Variants in DZANK1 observed in about 807,000 individuals in gnomAD.
DZANK1 encodes the protein double zinc ribbon and ankyrin repeat-containing protein 1.
A neutral mutation model predicts 94.5 loss-of-function variants in DZANK1; 91 were observed. The ratio of observed to expected loss-of-function variants is 0.96; its 90% CI spans 0.81 to 1.15. The LOEUF is 1.15. DZANK1 is among the 50% of genes most tolerant of loss of function. The pLI is 0.00. For synonymous variants in DZANK1, 312 were observed against 325.3 expected (o/e 0.96, Z 0.44); for missense variants, 903 against 916.4 (o/e 0.99, Z 0.19).
intron 9 of DZANK1, among the ~76,000 whole-genome samples, chr20:18,429,316 C>CA (rs1349555519): frequency 1.3e-5 from 2 of 152,238 alleles, no homozygotes; most frequent in Non-Finnish European, 2.9e-5. Context: ...CCTCACCTTG[C>CA]AGGGCTCATA....
chr20:18,414,574 T>C, intron 11 of DZANK1, 62 bp from the exon 12 acceptor site: 3 of 1,518,850 alleles, frequency 2.0e-6, no homozygotes, highest in Non-Finnish European at 2.7e-6. Context: ...TAAATTATTC[T>C]CATACCATAC....
At chr20:18,401,410 C>T (rs2056670929) in intron 13 of DZANK1, among the ~76,000 whole-genome samples, 1 of 152,154 alleles carries the variant, frequency 6.6e-6, no homozygotes, top group Admixed American at 6.5e-5. Context: ...TTCTATTATC[C>T]ACTGCTACCA....
intron 9 of DZANK1, among the ~76,000 whole-genome samples, chr20:18,427,515 CACAA>C (rs754958345): frequency 2.4e-4 from 36 of 151,964 alleles, no homozygotes; most frequent in African/African-American, 5.8e-4. Context: ...GAAACAAAAC[CACAA>C]ACAAACAAAC....
chr20:18,460,767 C>T (rs1005180819), intron 2 of DZANK1, among the ~76,000 whole-genome samples: 1 of 151,928 alleles, frequency 6.6e-6, no homozygotes, highest in Non-Finnish European at 1.5e-5. Flanking sequence ...TTGTGTTAAT[C>T]TCCTTAAATA....
chr20:18,426,088 T>C (rs1409152962), intron 10 of DZANK1, among the ~76,000 whole-genome samples: 1 of 152,180 alleles, frequency 6.6e-6, no homozygotes, highest in Non-Finnish European at 1.5e-5. Flanking sequence ...GGCCATGGAC[T>C]GTACTTATCT....
chr20:18,465,099 C>T, intron 2 of DZANK1, 151 bp downstream of exon 2: 1 of 554,038 alleles, frequency 1.8e-6, no homozygotes, highest in Non-Finnish European at 3.2e-6. Context: ...CATCAATGTA[C>T]AGCACTGTTT....
rs780423582 is a variant in DZANK1, at chr20:18,432,585, T to C, written c.861+1067A>G. 15 of 152,338 alleles carry C rather than the reference T, an allele frequency of 9.8e-5. No individual in the cohort carries two copies. The East Asian group carries it at 1.5e-3, about 16-fold the overall frequency. 9.4% of individuals were successfully genotyped at this position (152,338 alleles called of 1,614,324 possible). On this transcript the variant is annotated intron_variant, in intron 9 of 20. Transcript: ENST00000262547. ...GTGAACTCTTCATGCTAAAGGGAGC[T>C]TGAAGGTGAAAGAAAAAGTGGATTT...
At chr20:18,465,200 G>T in intron 2 of DZANK1, 50 bp downstream of exon 2, 2 of 1,244,384 alleles carry the variant, frequency 1.6e-6, no homozygotes, top group Non-Finnish European at 1.1e-6. Context: ...GATAACACAA[G>T]AAATATGACA....
chr20:18,425,756 G>C (rs2148547753), intron 10 of DZANK1, among the ~76,000 whole-genome samples: 1 of 152,262 alleles, frequency 6.6e-6, no homozygotes, highest in South Asian at 2.1e-4. Flanking sequence ...TATGAAAAAG[G>C]GAAATCTGGA....
chr20:18,461,519 G>A (rs1222473455), intron 2 of DZANK1, among the ~76,000 whole-genome samples: 1 of 150,756 alleles, frequency 6.6e-6, no homozygotes, highest in Non-Finnish European at 1.5e-5. Context: ...ATTTTGTAAA[G>A]AATTATTTCT....
intron 12 of DZANK1, among the ~76,000 whole-genome samples, chr20:18,414,011 CT>C (rs1263266485): frequency 2.0e-5 from 3 of 152,118 alleles, no homozygotes; most frequent in Non-Finnish European, 4.4e-5. Context: ...CTATGCCCAG[CT>C]GTTATAAATT....
intron 19 of DZANK1, among the ~76,000 whole-genome samples, chr20:18,387,858 A>T (rs2048601682): frequency 6.6e-6 from 1 of 152,240 alleles, no homozygotes; most frequent in Admixed American, 6.5e-5. Context: ...CTAGCCAAAC[A>T]TGCTCAGATG....
intron 9 of DZANK1, chr20:18,433,037 A>C (rs1041888744): frequency 1.3e-5 from 2 of 152,346 alleles, no homozygotes; most frequent in Admixed American, 6.5e-5. Flanking sequence ...ATTATAAATC[A>C]ACACTAACTG....
chr20:18,427,753 T>C (rs1047973754), intron 9 of DZANK1, among the ~76,000 whole-genome samples: 2 of 152,124 alleles, frequency 1.3e-5, no homozygotes, highest in Non-Finnish European at 2.9e-5. Context: ...AGTAATCTGG[T>C]TCTTGGACTT....
At chr20:18,457,520 A>G (rs1283689072) in intron 3 of DZANK1, among the ~76,000 whole-genome samples, 1 of 152,180 alleles carries the variant, frequency 6.6e-6, no homozygotes, top group East Asian at 1.9e-4. Flanking sequence ...AGGCTTAAAC[A>G]AGACAGAAGT....
chr20:18,386,694 A>G (rs2148123260), intron 19 of DZANK1, among the ~76,000 whole-genome samples: 1 of 152,330 alleles, frequency 6.6e-6, no homozygotes, highest in South Asian at 2.1e-4. Flanking sequence ...TGTCCAACTA[A>G]CAGTTCTAGA....
chr20:18,456,793 T>C (rs1455453357), intron 3 of DZANK1, among the ~76,000 whole-genome samples: 1 of 152,264 alleles, frequency 6.6e-6, no homozygotes, highest in Non-Finnish European at 1.5e-5. Context: ...TACCACAATT[T>C]TTATGTCCAT....
At chr20:18,438,449 C>T (rs2058615201) in intron 8 of DZANK1, among the ~76,000 whole-genome samples, 1 of 151,956 alleles carries the variant, frequency 6.6e-6, no homozygotes, top group African/African-American at 2.4e-5. Flanking sequence ...TAGAAACACA[C>T]CTTAAATTCA....
intron 17 of DZANK1, among the ~76,000 whole-genome samples, chr20:18,391,401 T>C (rs1027403669): frequency 6.6e-6 from 1 of 151,968 alleles, no homozygotes; most frequent in African/African-American, 2.4e-5. Context: ...GCCTGGCTAA[T>C]TTTTTGTATT....
Sources: allele counts gnomAD v4.1 joint callset (sites outside exome capture counted in the v4.1 genomes callset), GRCh38; gene constraint gnomAD v4.1.1; transcripts MANE v1.5; gene names NCBI Gene and HGNC (gene_info 2026-07-23, HGNC 2026-07-21).